Variants in RAD51AP2 observed in about 807,000 individuals in gnomAD.
RAD51AP2 encodes the protein RAD51 associated protein 2.
A neutral mutation model predicts 85.5 loss-of-function variants in RAD51AP2; 67 were observed. The ratio of observed to expected loss-of-function variants is 0.78; its 90% CI spans 0.64 to 0.96. RAD51AP2 has a LOEUF of 0.96. RAD51AP2 is among the 40% of genes least tolerant of loss of function. The pLI is 0.00. For synonymous variants in RAD51AP2, 474 were observed against 446.5 expected (o/e 1.06, Z -0.78); for missense variants, 1,307 against 1,332.4 (o/e 0.98, Z 0.30).
intron 2 of RAD51AP2, among the ~76,000 whole-genome samples, chr2:17,513,158 C>T (rs1156859921): frequency 6.6e-6 from 1 of 151,426 alleles, no homozygotes; most frequent in African/African-American, 2.4e-5. Flanking sequence ...GAATGTTAGA[C>T]ATACTGTGTT....
chr2:17,515,519 C>A lies in RAD51AP2; in HGVS notation c.2897G>T (p.Arg966Ile). Residue 966 changes from arginine (R) to isoleucine (I), a missense_variant, in exon 1 of 3, where the codon AGA (arginine) becomes ATA (isoleucine). Around this residue, in one of 3 missense-constraint regions of RAD51AP2, gnomAD observed 668 missense variants for 671.0 expected, o/e 1.00. Transcript: ENST00000399080. ...LTIVKDFEMKRKFDLVLEELR... is the reference protein window; with the variant it reads ...LTIVKDFEMKIKFDLVLEELR... ...TTCTTCAAGTACTAAGTCAAATTTT[C>A]TCTTCATCTCAAAATCTTTTACTAT... The A allele has an allele frequency of 6.2e-7, 1 of 1,610,086 alleles. No homozygotes were observed.
chr2:17,532,794 TA>T, the RAD51AP2 span, among the ~76,000 whole-genome samples: 9 of 152,330 alleles, frequency 5.9e-5, no homozygotes, highest in Middle Eastern at 6.8e-3. Context: ...TCAAGTTAAT[TA>T]AATATTAACA....
intron 1 of RAD51AP2, among the ~76,000 whole-genome samples, chr2:17,514,879 T>C (rs897867903): frequency 4.6e-5 from 7 of 151,968 alleles, no homozygotes; most frequent in Admixed American, 4.6e-4. Context: ...TAAATGCTAT[T>C]GTGGAATTAA....
At chr2:17,535,191 A>G in the RAD51AP2 span, among the ~76,000 whole-genome samples, 1 of 152,208 alleles carries the variant, frequency 6.6e-6, no homozygotes, top group Non-Finnish European at 1.5e-5. Flanking sequence ...TAAGACCCTT[A>G]AAGGCAAGAC....
Position 17,517,695 on chromosome 2 carries a change from G to T in RAD51AP2, c.721C>A (p.Pro241Thr), listed in dbSNP as rs1220158224. ...CTAGGTTTGGCAATTTCCAAGCTGG[G>T]CTGGTTTTGAGATTTTGATATTTTT... ...VLKISKSQNQ[P>T]SLEIAKPSYF... Residue 241 changes from proline (P) to threonine (T), a missense_variant, in exon 1 of 3, where the codon CCC (proline) becomes ACC (threonine). Physicochemically the swap from Pro to Thr is conservative, Grantham distance 38. This residue lies in a region of RAD51AP2 where 635 missense variants were observed against 643.6 expected (regional missense o/e 0.99). Coordinates refer to ENST00000399080, the MANE Select transcript of RAD51AP2 (RefSeq NM_001099218.3). The T allele has an allele frequency of 6.2e-7, 1 of 1,612,872 alleles. No homozygotes were observed. Among genetic ancestry groups the T allele is most frequent in the African/African-American group, 1.3e-5 (1 of 74,796 alleles).
Position 17,517,769 on chromosome 2 carries a change from CTG to C in RAD51AP2, c.645_646del (p.Asn215LysfsTer7). 1 of 1,613,990 alleles carries C rather than the reference CTG, an allele frequency of 6.2e-7. No individual in the cohort carries two copies. Among genetic ancestry groups the C allele is most frequent in the Non-Finnish European group, 8.5e-7 (1 of 1,179,894 alleles). On this transcript the variant is annotated frameshift_variant, in exon 1 of 3. Transcript: ENST00000399080. LOFTEE classifies it high-confidence loss of function. ...TTCTCTTTTATTTGATGGCACAACA[CTG>C]TTAGCTTTACATCTGTTCTTAATTT...
At chr2:17,525,833 C>T in the RAD51AP2 span, among the ~76,000 whole-genome samples, 4 of 152,104 alleles carry the variant, frequency 2.6e-5, no homozygotes, top group Non-Finnish European at 4.4e-5. Flanking sequence ...ATATAGAATA[C>T]GGGCTGCTTG....
upstream of RAD51AP2, among the ~76,000 whole-genome samples, chr2:17,519,604 G>A (rs1226136812): frequency 1.3e-5 from 2 of 152,118 alleles, no homozygotes; most frequent in Admixed American, 1.3e-4. Flanking sequence ...CCAGTTTCAT[G>A]TTTTTTAAAT....
chr2:17,532,138 G>A, the RAD51AP2 span, among the ~76,000 whole-genome samples: 1 of 152,114 alleles, frequency 6.6e-6, no homozygotes, highest in Non-Finnish European at 1.5e-5. Flanking sequence ...CCCACATGCT[G>A]TATTTAAATG....
intron 1 of RAD51AP2, among the ~76,000 whole-genome samples, chr2:17,514,949 C>A (rs530122543): frequency 1.4e-5 from 2 of 145,922 alleles, no homozygotes; most frequent in South Asian, 4.3e-4. Flanking sequence ...GGAGTAACTG[C>A]AGCTTGCTTT....
At chr2:17,518,466 T>C (rs1324047029), upstream of RAD51AP2, 2 of 1,566,926 alleles carry the variant, frequency 1.3e-6, no homozygotes, top group Non-Finnish European at 8.6e-7. Context: ...TCCAATCCCT[T>C]AATAGGCGGT....
upstream of RAD51AP2, among the ~76,000 whole-genome samples, chr2:17,523,177 T>C (rs1483584274): frequency 6.6e-6 from 1 of 151,902 alleles, no homozygotes; most frequent in Non-Finnish European, 1.5e-5. Context: ...ATAAAGCATT[T>C]AGAAGAGTCC....
chr2:17,535,889 T>C, the RAD51AP2 span, among the ~76,000 whole-genome samples: 1 of 134,398 alleles, frequency 7.4e-6, no homozygotes, highest in Non-Finnish European at 1.5e-5. Context: ...AACACCCCCT[T>C]AGGAATGATA....
the RAD51AP2 span, among the ~76,000 whole-genome samples, chr2:17,533,938 C>A: frequency 4.3e-4 from 66 of 152,162 alleles, 1 homozygote; most frequent in South Asian, 9.5e-3. Context: ...TCATTAAAAT[C>A]AAAAATACAA....
At chr2:17,524,561 T>C in the RAD51AP2 span, among the ~76,000 whole-genome samples, 1 of 151,952 alleles carries the variant, frequency 6.6e-6, no homozygotes, top group Non-Finnish European at 1.5e-5. Context: ...CTTCCTTTTA[T>C]TTCCATACTA....
the RAD51AP2 span, among the ~76,000 whole-genome samples, chr2:17,523,991 G>T: frequency 2.6e-5 from 4 of 151,880 alleles, no homozygotes; most frequent in Admixed American, 2.0e-4. Context: ...AAGGATCTGT[G>T]CCTGATGCTG....
chr2:17,531,752 A>G, the RAD51AP2 span, among the ~76,000 whole-genome samples: 32 of 152,358 alleles, frequency 2.1e-4, no homozygotes, highest in Admixed American at 3.3e-4. Context: ...AATAAAACTA[A>G]AACTGTGAAT....
chr2:17,533,992 A>C, the RAD51AP2 span, among the ~76,000 whole-genome samples: 1 of 152,228 alleles, frequency 6.6e-6, no homozygotes, highest in African/African-American at 2.4e-5. Flanking sequence ...CTCTATCACC[A>C]AATATGAGTA....
rs768164580 is a variant in RAD51AP2 at position 17,515,835 on chromosome 2, T to C, written c.2581A>G (p.Lys861Glu). ...TCATCCATTGGAAAAAAACTATCTT[T>C]CTCTTCCTTTTCTATCTTAGTATCT... ...HKDTKIEKEEKDSFFPMDDMF... is the reference protein window; with the variant it reads ...HKDTKIEKEEEDSFFPMDDMF... Residue 861 changes from lysine to glutamate, a missense_variant, in exon 1 of 3, where the codon AAA becomes GAA. Lys to Glu is a moderately conservative substitution (Grantham distance 56, BLOSUM62 1). Coordinates refer to ENST00000399080, the MANE Select transcript of RAD51AP2 (RefSeq NM_001099218.3). 3.1e-6 allele frequency: 5 copies of C among 1,609,154 alleles called. No homozygotes were observed. The highest frequency in any genetic ancestry group is 3.4e-6 in the Non-Finnish European group (4 of 1,176,862).
Sources: allele counts gnomAD v4.1 joint callset (sites outside exome capture counted in the v4.1 genomes callset), GRCh38; gene constraint gnomAD v4.1.1; regional missense constraint gnomAD v4.1.1; transcripts MANE v1.5; gene names NCBI Gene and HGNC (gene_info 2026-07-23, HGNC 2026-07-21).